Variants in TIGAR observed in about 807,000 individuals in gnomAD.
The protein encoded by TIGAR is fructose-2,6-bisphosphatase TIGAR.
A neutral mutation model predicts 17.9 loss-of-function variants in TIGAR; 7 were observed. The ratio of observed to expected loss-of-function variants is 0.39; its 90% CI spans 0.22 to 0.73. The LOEUF (loss-of-function observed/expected upper bound fraction) is 0.73. Ranked by LOEUF, TIGAR falls within the 30% of genes least tolerant of loss-of-function variation. TIGAR has a pLI of 0.42. For synonymous variants in TIGAR, 94 were observed against 108.6 expected (o/e 0.87, Z 0.84); for missense variants, 258 against 327.4 (o/e 0.79, Z 1.64).
At chr12:4,338,084 C>T (rs1036541270) in intron 3 of TIGAR, among the ~76,000 whole-genome samples, 7 of 151,964 alleles carry the variant, frequency 4.6e-5, no homozygotes, top group African/African-American at 7.3e-5. Context: ...GAGCCAAGAT[C>T]GTGCCGTTGC....
intron 3 of TIGAR, among the ~76,000 whole-genome samples, chr12:4,345,049 A>G (rs1486137576): frequency 6.6e-6 from 1 of 152,198 alleles, no homozygotes; most frequent in Non-Finnish European, 1.5e-5. Context: ...TCCAACTTAC[A>G]AGGGATATGA....
chr12:4,343,330 CAG>C (rs1864745239), intron 3 of TIGAR, among the ~76,000 whole-genome samples: 2 of 152,130 alleles, frequency 1.3e-5, no homozygotes, highest in Admixed American at 6.5e-5. Context: ...ATCAACAAGA[CAG>C]AAAGTTAAAA....
At chr12:4,336,446 G>GCACA (rs10595001) in intron 2 of TIGAR, among the ~76,000 whole-genome samples, 2,898 of 138,510 alleles carry the variant, frequency 0.021, 47 homozygotes, top group Middle Eastern at 0.033. Flanking sequence ...CAGCAATGCA[G>GCACA]CACACACACA....
At chr12:4,330,303 A>T (rs1864590571) in intron 1 of TIGAR, among the ~76,000 whole-genome samples, 1 of 152,264 alleles carries the variant, frequency 6.6e-6, no homozygotes, top group Non-Finnish European at 1.5e-5. Flanking sequence ...TGAATTGTTC[A>T]GGTACCAGAT....
chr12:4,338,328 A>G (rs1864682899), intron 3 of TIGAR, among the ~76,000 whole-genome samples: 1 of 152,158 alleles, frequency 6.6e-6, no homozygotes, highest in South Asian at 2.1e-4. Flanking sequence ...TGATGCCTGA[A>G]TGAAGTAGAA....
chr12:4,341,188 T>A (rs1044413889), intron 3 of TIGAR, among the ~76,000 whole-genome samples: 11 of 152,086 alleles, frequency 7.2e-5, no homozygotes, highest in African/African-American at 2.7e-4. Context: ...CAAACAACTT[T>A]ATAGGAAAAA....
chr12:4,333,470 T>C (rs1157956576), intron 2 of TIGAR, among the ~76,000 whole-genome samples: 2 of 151,646 alleles, frequency 1.3e-5, no homozygotes, highest in Admixed American at 1.3e-4. Flanking sequence ...TTTAAATTTT[T>C]ATTTATTTAT....
intron 3 of TIGAR, among the ~76,000 whole-genome samples, chr12:4,345,141 C>T (rs943614054): frequency 6.6e-6 from 1 of 152,208 alleles, no homozygotes; most frequent in Admixed American, 6.5e-5. Context: ...ATTCCATGCT[C>T]ATGGATAGGA....
intron 1 of TIGAR, among the ~76,000 whole-genome samples, chr12:4,327,488 T>A (rs1864558000): frequency 6.6e-6 from 1 of 152,126 alleles, no homozygotes; most frequent in South Asian, 2.1e-4. Flanking sequence ...TTTGCCTTAT[T>A]AGGACATGTC....
At position 4,359,165 on chromosome 12, in the gene TIGAR, A is replaced by G. The variant is rs1864947732; in HGVS notation, c.*6474A>G. Among the ~76,000 whole-genome samples the G allele has an allele frequency of 6.7e-6, 1 of 149,372 alleles. No individual in the cohort carries two copies. The highest frequency in any genetic ancestry group is 2.5e-5 in the African/African-American group (1 of 40,428). ...CTCTACTTTTGCTTCTATGTTTATTAGTTGGCATTCTGTACTAAGACAGCT... is the reference window on the plus strand; with the variant it reads ...CTCTACTTTTGCTTCTATGTTTATTGGTTGGCATTCTGTACTAAGACAGCT... On this transcript the variant is annotated 3_prime_UTR_variant, in exon 6 of 6. Coordinates refer to ENST00000179259, the MANE Select transcript of TIGAR (RefSeq NM_020375.3).
chr12:4,338,713 T>G (rs1864686067), intron 3 of TIGAR, among the ~76,000 whole-genome samples: 1 of 151,822 alleles, frequency 6.6e-6, no homozygotes, highest in Non-Finnish European at 1.5e-5. Context: ...CAATGCATCT[T>G]AAAGAACAAG....
intron 3 of TIGAR, among the ~76,000 whole-genome samples, chr12:4,338,301 T>C (rs569436371): frequency 6.6e-6 from 1 of 152,284 alleles, no homozygotes; most frequent in East Asian, 1.9e-4. Context: ...TATTAGACTT[T>C]GGGCACTGTG....
Position 4,355,587 on chromosome 12 carries a change from T to G in TIGAR, c.*2896T>G, listed in dbSNP as rs1864891393. ...CACATGCATCTCTTCATCTATTCAATACGTATTTTTTGAGCATGGCACACA... is the reference window on the plus strand; with the variant it reads ...CACATGCATCTCTTCATCTATTCAAGACGTATTTTTTGAGCATGGCACACA... On this transcript the variant is annotated 3_prime_UTR_variant, in exon 6 of 6. Coordinates refer to ENST00000179259, the MANE Select transcript of TIGAR (RefSeq NM_020375.3). Among the ~76,000 whole-genome samples, 1 of 152,244 alleles carries G rather than the reference T, an allele frequency of 6.6e-6. No individual in the cohort carries two copies. The highest frequency in any genetic ancestry group is 1.5e-5 in the Non-Finnish European group (1 of 68,044).
At position 4,349,831 on chromosome 12, in the gene TIGAR, A is replaced by G. The variant is rs1864818490; in HGVS notation, c.205A>G (p.Ile69Val). The change falls in exon 4 of 6, where the codon ATT becomes GTT. Residue 69 changes from isoleucine to valine, a missense_variant. Transcript: ENST00000179259. ...TCTTGATTTTCAGACCATGCATGGAATTTTGGAGAGAAGCAAATTTTGCAA... is the reference window on the plus strand; with the variant it reads ...TCTTGATTTTCAGACCATGCATGGAGTTTTGGAGAGAAGCAAATTTTGCAA... ...LMRTKQTMHGILERSKFCKDM... is the reference protein window; with the variant it reads ...LMRTKQTMHGVLERSKFCKDM... The G allele has an allele frequency of 4.4e-6, 7 of 1,583,882 alleles. No individual in the cohort carries two copies. The East Asian group carries it at 1.7e-4, about 37-fold the overall frequency.
Position 4,321,335 on chromosome 12 carries a change from T to A in TIGAR, c.32+32T>A, listed in dbSNP as rs1412019459. The A allele has an allele frequency of 6.2e-7, 1 of 1,600,070 alleles. No individual in the cohort carries two copies. Among genetic ancestry groups the A allele is most frequent in the South Asian group, 1.1e-5 (1 of 91,072 alleles). On this transcript the variant is annotated intron_variant, in intron 1 of 5. Transcript: ENST00000179259. This position sits in a 1 kb window ranked among gnomAD's most constrained non-coding sequence, Gnocchi z 5.2. ...ATGGCTGTGGCAGGATGTCTTTCTC[T>A]CTCTCTTCCTTGAGTGTGTTGGAGC... is the stretch of plus-strand genomic sequence containing the variant.
Position 4,352,764 on chromosome 12 carries a change from C to A in TIGAR, c.*73C>A. The A allele has an allele frequency of 7.0e-7, 1 of 1,429,662 alleles. No individual in the cohort carries two copies. Among genetic ancestry groups the A allele is most frequent in the Admixed American group, 2.2e-5 (1 of 45,644 alleles). The allele number at this position is 1,429,662 out of a possible 1,614,324, so 88.6% of individuals were successfully genotyped here. A position where few individuals can be genotyped will look rare whatever the true frequency, so the allele number is the denominator to read the frequency against. ...TGCCATTGGCTTTATTTACTTCTCT[C>A]CTCTGCTAGTTCTGATTTGGAAACA... On this transcript the variant is annotated 3_prime_UTR_variant, in exon 6 of 6. Transcript: ENST00000179259.
chr12:4,332,238 CTTTTTTTTTTT>C (rs777711454), intron 2 of TIGAR, among the ~76,000 whole-genome samples: 1 of 95,362 alleles, frequency 1.0e-5, no homozygotes, highest in Non-Finnish European at 1.9e-5. Flanking sequence ...TCATGTATTT[CTTTTTTTTTTT>C]TTTTTTTTTT....
At chr12:4,352,189 A>AG in intron 5 of TIGAR, 71 bp from the exon 6 acceptor site, 2 of 1,336,990 alleles carry the variant, frequency 1.5e-6, no homozygotes, top group Non-Finnish European at 2.0e-6. Flanking sequence ...CCAGTCAGTT[A>AG]TGTTCTATGT....
intron 4 of TIGAR, among the ~76,000 whole-genome samples, chr12:4,350,238 T>C (rs1864823771): frequency 6.6e-6 from 1 of 152,248 alleles, no homozygotes; most frequent in African/African-American, 2.4e-5. Flanking sequence ...AGACTACCAC[T>C]GATGTAAATA....
Sources: gnomAD v4.1 joint callset for allele counts (sites outside exome capture counted in the v4.1 genomes callset) on GRCh38, gnomAD v4.1.1 for gene constraint, Gnocchi (gnomAD v3.1) non-coding constraint, MANE v1.5 for transcripts, NCBI Gene and HGNC (gene_info 2026-07-23, HGNC 2026-07-21) for gene names.